DGKG: variants seen among roughly 807,000 people sequenced by gnomAD.
DGKG encodes DAG kinase gamma.
A neutral mutation model predicts 105.3 loss-of-function variants in DGKG; 78 were observed. That is an observed-to-expected ratio of 0.74 (90% confidence interval 0.62 to 0.89). The LOEUF (loss-of-function observed/expected upper bound fraction) is 0.89. DGKG is among the 40% of genes least tolerant of loss of function. The probability of loss-of-function intolerance (pLI) is 0.00; values close to 1 mark genes in which losing one functional copy is unlikely to be tolerated. For missense variants in DGKG, 958 were observed against 1,020.1 expected (o/e 0.94, Z 0.83); for synonymous variants, 346 against 367.1 (o/e 0.94, Z 0.66).
At chr3:186,240,156 G>A (rs1013374734) in intron 20 of DGKG, among the ~76,000 whole-genome samples, 1 of 151,934 alleles carries the variant, frequency 6.6e-6, no homozygotes, top group African/African-American at 2.4e-5. Context: ...TCACTCCTTC[G>A]TATCTTTTCG....
Position 186,267,687 on chromosome 3 carries a change from G to T in DGKG, c.1207C>A (p.Arg403=). ...CTCGCCGGGGCAGGAGCACTTACCC[G>T]GGTGATGGGGCATATGGAGGTGGGC... ...LLPTSICPIT[R]DRPGEKSDGC... The change falls in exon 13 of 25, where the codon CGG becomes AGG. Residue 403 remains arginine, a splice_region_variant and synonymous_variant. Transcript: ENST00000265022. 6.2e-7 allele frequency: 1 copy of T among 1,613,742 alleles called. No individual in the cohort carries two copies. The highest frequency in any genetic ancestry group is 1.1e-5 in the South Asian group (1 of 91,058).
intron 21 of DGKG, among the ~76,000 whole-genome samples, chr3:186,188,657 G>C (rs571466792): frequency 6.6e-6 from 1 of 152,008 alleles, no homozygotes; most frequent in African/African-American, 2.4e-5. Flanking sequence ...AGTGCTTTAG[G>C]GCTGGTTCTT....
intron 5 of DGKG, among the ~76,000 whole-genome samples, chr3:186,293,092 A>C (rs1037993168): frequency 6.6e-6 from 1 of 152,198 alleles, no homozygotes. Flanking sequence ...AGAGTGGTAC[A>C]TTTGTTACAG....
At chr3:186,234,905 A>C (rs1284318666) in intron 20 of DGKG, among the ~76,000 whole-genome samples, 1 of 152,212 alleles carries the variant, frequency 6.6e-6, no homozygotes, top group Non-Finnish European at 1.5e-5. Context: ...AAAATCTTTG[A>C]TCATCCACCA....
At chr3:186,255,004 C>G (rs1174196299) in intron 17 of DGKG, among the ~76,000 whole-genome samples, 3 of 152,256 alleles carry the variant, frequency 2.0e-5, no homozygotes, top group Non-Finnish European at 4.4e-5. Flanking sequence ...GCACAAAGCT[C>G]TCTGTGGCTC....
At chr3:186,267,047 G>A (rs1334315137) in intron 13 of DGKG, among the ~76,000 whole-genome samples, 5 of 152,166 alleles carry the variant, frequency 3.3e-5, no homozygotes, top group Non-Finnish European at 1.5e-5. Context: ...CAACACAGGC[G>A]ACAACGTGCC....
At chr3:186,155,626 T>G (rs1715999465) in intron 24 of DGKG, among the ~76,000 whole-genome samples, 1 of 152,252 alleles carries the variant, frequency 6.6e-6, no homozygotes, top group African/African-American at 2.4e-5. Context: ...GTATTTTACT[T>G]AGAATAAATT....
chr3:186,212,079 C>A (rs1719064062), intron 20 of DGKG, among the ~76,000 whole-genome samples, 194 bp from the exon 21 acceptor site: 1 of 152,186 alleles, frequency 6.6e-6, no homozygotes. Context: ...TAGAGAAAAT[C>A]CACTTATTTC....
chr3:186,214,681 G>A (rs1170699526), intron 20 of DGKG, among the ~76,000 whole-genome samples: 1 of 152,260 alleles, frequency 6.6e-6, no homozygotes, highest in Non-Finnish European at 1.5e-5. Flanking sequence ...TGGCCAAAGC[G>A]ATGCTAATTG....
At position 186,265,248 on chromosome 3, in the gene DGKG, T is replaced by G; in HGVS notation, c.1268A>C (p.Gln423Pro). 1 of 1,614,178 alleles carries G rather than the reference T, an allele frequency of 6.2e-7. No homozygotes were observed. Among genetic ancestry groups the G allele is most frequent in the Non-Finnish European group, 8.5e-7 (1 of 1,179,964 alleles). ...TCGGATTTAGAGCTCATGAGGTACC[T>G]GCATGACAAGTTCGCCCTTGGCGGA... is the stretch of plus-strand genomic sequence containing the variant. The part of the protein sequence containing the change: ...CVSAKGELVM[Q>P]YKIIPTPGTH... Residue 423 changes from glutamine to proline, a missense_variant and splice_region_variant, in exon 14 of 25, where the codon CAG (glutamine) becomes CCG (proline). Physicochemically the swap from Gln to Pro is moderately conservative, Grantham distance 76. Coordinates refer to ENST00000265022, the MANE Select transcript of DGKG (RefSeq NM_001346.3).
intron 5 of DGKG, among the ~76,000 whole-genome samples, chr3:186,293,903 C>T (rs1034345282): frequency 6.8e-6 from 1 of 148,140 alleles, no homozygotes; most frequent in East Asian, 2.0e-4. Context: ...ATTAAGACAT[C>T]TGTGGAAGAG....
chr3:186,263,720 G>A (rs1250678288), intron 14 of DGKG, among the ~76,000 whole-genome samples: 1 of 150,372 alleles, frequency 6.7e-6, no homozygotes, highest in African/African-American at 2.4e-5. Flanking sequence ...AAAATGCATT[G>A]GGAGCAGAGT....
intron 8 of DGKG, 66 bp downstream of exon 8, chr3:186,280,604 T>G (rs947197059): frequency 5.5e-5 from 70 of 1,277,050 alleles, no homozygotes; most frequent in Non-Finnish European, 7.4e-5. Context: ...CATTCATGTC[T>G]TGAGTGTGTC....
intron 20 of DGKG, among the ~76,000 whole-genome samples, chr3:186,232,834 A>G (rs569887603): frequency 6.6e-6 from 1 of 152,322 alleles, no homozygotes; most frequent in African/African-American, 2.4e-5. Flanking sequence ...ATCTGCCTAT[A>G]TTAGAGAATC....
At position 186,147,730 on chromosome 3, in the gene DGKG, G is replaced by A. The variant is rs1294489329; in HGVS notation, c.*2360C>T. On this transcript the variant is annotated 3_prime_UTR_variant, in exon 25 of 25. Coordinates refer to ENST00000265022, the MANE Select transcript of DGKG (RefSeq NM_001346.3). The stretch of plus-strand genomic sequence containing the variant: ...CTGTTGATAGTGCCATGTCTCAATA[G>A]CCTCAATCTTGGGGATCATGGCTGA... 17 of 985,248 alleles carry A rather than the reference G, an allele frequency of 1.7e-5. No individual in the cohort carries two copies. The highest frequency in any genetic ancestry group is 2.0e-5 in the Non-Finnish European group (17 of 829,936). 61.0% of individuals were successfully genotyped at this position (985,248 alleles called of 1,614,324 possible). A position where few individuals can be genotyped will look rare whatever the true frequency, so the allele number is the denominator to read the frequency against.
At chr3:186,234,327 C>A (rs1720308289) in intron 20 of DGKG, among the ~76,000 whole-genome samples, 1 of 152,232 alleles carries the variant, frequency 6.6e-6, no homozygotes, top group African/African-American at 2.4e-5. Flanking sequence ...TGGAAAGCAT[C>A]CAGACTGTCA....
At chr3:186,171,464 G>A (rs932142576) in intron 22 of DGKG, among the ~76,000 whole-genome samples, 4 of 152,178 alleles carry the variant, frequency 2.6e-5, no homozygotes, top group Admixed American at 1.3e-4. Context: ...ATATAAAATA[G>A]TGTGGAATTT....
chr3:186,291,795 G>C (rs1241238449), intron 5 of DGKG, among the ~76,000 whole-genome samples: 1 of 152,168 alleles, frequency 6.6e-6, no homozygotes, highest in Non-Finnish European at 1.5e-5. Context: ...TAGAGATGAT[G>C]GGTATGTTCA....
At chr3:186,249,998 G>A (rs1721129142) in intron 19 of DGKG, among the ~76,000 whole-genome samples, 1 of 152,162 alleles carries the variant, frequency 6.6e-6, no homozygotes, top group Non-Finnish European at 1.5e-5. Context: ...CACAGAGTCT[G>A]GGGCAGAGGA....
Sources: allele counts gnomAD v4.1 joint callset (sites outside exome capture counted in the v4.1 genomes callset), GRCh38; gene constraint gnomAD v4.1.1; transcripts MANE v1.5; gene names NCBI Gene and HGNC (gene_info 2026-07-23, HGNC 2026-07-21).